The following DYSF variants were observed in gnomAD, a reference collection of about 807,000 sequenced individuals.
DYSF encodes the protein dysferlin.
In DYSF, 212 loss-of-function variants were observed where a neutral mutation model predicts 274.9. The observed-to-expected ratio is 0.77, with a 90% CI of 0.69 to 0.86. DYSF has a LOEUF of 0.86. Ranked by LOEUF, DYSF falls within the 40% of genes least tolerant of loss-of-function variation. DYSF has a pLI of 0.00. For synonymous variants in DYSF, 1,091 were observed against 1,078.7 expected, an observed-to-expected ratio of 1.01 and a Z score of -0.22; for missense variants, 2,666 against 2,783.2, an observed-to-expected ratio of 0.96 and a Z score of 0.95.
chr2:71,551,715 G>C lies in DYSF; in HGVS notation c.1801G>C (p.Val601Leu), dbSNP rs1200077320. The change falls in exon 19 of 56, where the codon GTG (valine) becomes CTG (leucine). Residue 601 changes from valine to leucine, a missense_variant. Val to Leu is a conservative substitution (Grantham distance 32). This residue lies in a region of DYSF where 794 missense variants were observed against 777.1 expected (regional missense o/e 1.02). Transcript: ENST00000410020. ...EDLPADDILR[V>L]EKYLRRRKYS... ...CCTTCCTGCGGATGACATCCTCCGG[G>C]TGGAGGTGAGGGGTGTGGCTCTGGG... 1 of 1,604,198 alleles carries C rather than the reference G, an allele frequency of 6.2e-7. No individual in the cohort carries two copies. The highest frequency in any genetic ancestry group is 1.1e-5 in the South Asian group (1 of 88,662).
At chr2:71,654,616 C>T (rs1309791308) in intron 42 of DYSF, among the ~76,000 whole-genome samples, 1 of 151,664 alleles carries the variant, frequency 6.6e-6, no homozygotes, top group African/African-American at 2.4e-5. Context: ...GACTCCATCT[C>T]TACAGAAAAT....
intron 52 of DYSF, 82 bp from the exon 53 acceptor site, chr2:71,678,975 C>T (rs1438346100): frequency 2.0e-5 from 27 of 1,373,908 alleles, no homozygotes; most frequent in Admixed American, 3.4e-5. Context: ...CTGAGTTTTT[C>T]CTGAACCTGC....
intron 3 of DYSF, among the ~76,000 whole-genome samples, chr2:71,494,613 T>C (rs2084192297): frequency 6.6e-6 from 1 of 152,336 alleles, no homozygotes; most frequent in South Asian, 2.1e-4. Flanking sequence ...GTGGTCACAG[T>C]GGTGCTGGCA....
chr2:71,521,775 C>T lies in DYSF; in HGVS notation c.1149+871C>T, dbSNP rs566214232. Among the ~76,000 whole-genome samples the T allele has an allele frequency of 4.6e-5, 7 of 152,224 alleles. No homozygotes were observed. In the East Asian group the frequency reaches 5.8e-4, roughly 13 times the overall value. ...TCTACTTCTCCACTTAGCTGGGCCC[C>T]GGGTGCTGTCCGCCTCTTCCTTTAC... On this transcript the variant is annotated intron_variant, in intron 12 of 55. Coordinates refer to ENST00000410020, the MANE Select transcript of DYSF (RefSeq NM_001130987.2).
intron 14 of DYSF, among the ~76,000 whole-genome samples, chr2:71,530,398 G>A (rs550715567): frequency 2.6e-5 from 4 of 152,156 alleles, no homozygotes; most frequent in Non-Finnish European, 5.9e-5. Flanking sequence ...CCGGGGCTCC[G>A]GGCTGCTCCT....
At chr2:71,591,354 A>G (rs754356990) in intron 32 of DYSF, among the ~76,000 whole-genome samples, 7 of 152,150 alleles carry the variant, frequency 4.6e-5, no homozygotes, top group Non-Finnish European at 8.8e-5. Flanking sequence ...TGCACAGATC[A>G]ACAGTGGTCT....
At position 71,521,265 on chromosome 2, in the gene DYSF, A is replaced by G. The variant is rs558190733; in HGVS notation, c.1149+361A>G. On this transcript the variant is annotated intron_variant, in intron 12 of 55. Transcript: ENST00000410020. Reference sequence around the variant, plus strand: ...CTAAGAATGTATCATGCTCATCTCCACATGTCAGTAAGTAAAGTTATAAGT... The same window carrying G: ...CTAAGAATGTATCATGCTCATCTCCGCATGTCAGTAAGTAAAGTTATAAGT... 6.6e-5 allele frequency among the ~76,000 whole-genome samples: 10 copies of G among 152,368 alleles called. No individual in the cohort carries two copies. The South Asian group carries it at 2.1e-3, about 32-fold the overall frequency.
At chr2:71,491,496 A>G (rs1350964980) in intron 3 of DYSF, among the ~76,000 whole-genome samples, 1 of 152,178 alleles carries the variant, frequency 6.6e-6, no homozygotes, top group East Asian at 1.9e-4. Flanking sequence ...TTTGTTGTAC[A>G]GATTATTTCC....
rs761566551 is a variant in DYSF, at chr2:71,601,496, C to T, written c.3898-3C>T. ...GACCAGAGCTCTCTTTTCTTCACTC[C>T]AGCCGGCCATCCACCATATTCCTGG... is the stretch of plus-strand genomic sequence containing the variant. On this transcript the variant is annotated splice_region_variant and splice_polypyrimidine_tract_variant and intron_variant, in intron 34 of 55. Coordinates refer to ENST00000410020, the MANE Select transcript of DYSF (RefSeq NM_001130987.2). 19 of 1,614,070 alleles carry T rather than the reference C, an allele frequency of 1.2e-5. No homozygotes were observed. The highest frequency in any genetic ancestry group is 1.5e-5 in the Non-Finnish European group (18 of 1,180,044).
intron 6 of DYSF, 62 bp downstream of exon 6, chr2:71,513,394 C>T: frequency 6.7e-7 from 1 of 1,500,492 alleles, no homozygotes; most frequent in Non-Finnish European, 9.1e-7. Flanking sequence ...TCACTAGCTG[C>T]CATGGTCAGC....
chr2:71,633,047 C>T (rs918596058), intron 41 of DYSF, among the ~76,000 whole-genome samples: 1 of 152,210 alleles, frequency 6.6e-6, no homozygotes, highest in African/African-American at 2.4e-5. Flanking sequence ...GTAATGATCC[C>T]CTCCACAGAT....
At chr2:71,554,532 A>T (rs1460892821) in intron 21 of DYSF, among the ~76,000 whole-genome samples, 3 of 151,194 alleles carry the variant, frequency 2.0e-5, no homozygotes, top group African/African-American at 7.3e-5. Flanking sequence ...GTGCAAGGAG[A>T]TGGGGGGTGG....
intron 28 of DYSF, 94 bp from the exon 29 acceptor site, chr2:71,570,505 C>G: frequency 1.3e-6 from 2 of 1,554,308 alleles, no homozygotes; most frequent in Non-Finnish European, 8.7e-7. Context: ...AGTGGCCGCT[C>G]AAGAGTCTGT....
chr2:71,554,985 G>T (rs1328003667), intron 21 of DYSF, among the ~76,000 whole-genome samples: 1 of 152,132 alleles, frequency 6.6e-6, no homozygotes, highest in Non-Finnish European at 1.5e-5. Context: ...AGGCCCTACT[G>T]CAGGAGCATG....
intron 36 of DYSF, among the ~76,000 whole-genome samples, chr2:71,606,498 G>C (rs1272907305): frequency 6.6e-6 from 1 of 152,142 alleles, no homozygotes; most frequent in Non-Finnish European, 1.5e-5. Context: ...GTTGCAGTGA[G>C]GGTCGCAGCA....
intron 54 of DYSF, among the ~76,000 whole-genome samples, chr2:71,681,447 G>A (rs2095295585): frequency 6.6e-6 from 1 of 152,230 alleles, no homozygotes; most frequent in Non-Finnish European, 1.5e-5. Flanking sequence ...AACAATCTCA[G>A]CAAAGTTAAA....
chr2:71,602,843 G>T lies in DYSF; in HGVS notation c.3957+38G>T, dbSNP rs543457869. On this transcript the variant is annotated intron_variant, in intron 36 of 55. Coordinates refer to ENST00000410020, the MANE Select transcript of DYSF (RefSeq NM_001130987.2). ...TGGTGGTTGGGATGGGTGGGCCGAG[G>T]TAGAGGGAAGGTGAAGCCAGCCTTC... 21 of 1,610,324 alleles carry T rather than the reference G, an allele frequency of 1.3e-5. No individual in the cohort carries two copies. In the Admixed American group the frequency reaches 3.2e-4, roughly 24 times the overall value.
intron 52 of DYSF, among the ~76,000 whole-genome samples, chr2:71,677,070 T>C (rs1321998840): frequency 1.3e-5 from 2 of 152,170 alleles, no homozygotes; most frequent in Non-Finnish European, 2.9e-5. Context: ...CATAGATGAA[T>C]GCCGATATAC....
rs398123786 is a variant in DYSF, at chr2:71,612,666, GC to G, written c.4254del (p.Ile1419SerfsTer47). The G allele has an allele frequency of 4.3e-6, 7 of 1,613,950 alleles. No homozygotes were observed. The East Asian group carries it at 6.7e-5, about 15-fold the overall frequency. On this transcript the variant is annotated frameshift_variant, in exon 39 of 56. Transcript: ENST00000410020. LOFTEE classifies it high-confidence loss of function. Reference sequence around the variant, plus strand: ...ATGCTGCCCAGGGAGGAGCTCTACTGCCCCCCCATCACCGTCAAGGTCATCG... The same window carrying G: ...ATGCTGCCCAGGGAGGAGCTCTACTGCCCCCCATCACCGTCAAGGTCATCG... ...EVMLPREELY[C>X]PPITVKVIDN...
Sources: gnomAD v4.1 joint callset for allele counts (sites outside exome capture counted in the v4.1 genomes callset) on GRCh38, gnomAD v4.1.1 for gene constraint, gnomAD v4.1.1 regional missense constraint, MANE v1.5 for transcripts, NCBI Gene and HGNC (gene_info 2026-07-23, HGNC 2026-07-21) for gene names.